HECTD2: variants seen among roughly 807,000 people sequenced by gnomAD.
HECTD2 encodes the protein probable E3 ubiquitin-protein ligase HECTD2.
In HECTD2, 35 loss-of-function variants were observed where a neutral mutation model predicts 103.2. The observed-to-expected ratio is 0.34, with a 90% CI of 0.26 to 0.45. HECTD2 has a LOEUF of 0.45. Among genes scored for constraint, HECTD2 ranks in the 20% least tolerant of loss-of-function variants. The pLI, the probability that HECTD2 is intolerant of heterozygous loss-of-function variation, is 1.00. For missense variants in HECTD2, 596 were observed against 937.4 expected (o/e 0.64, Z 4.76); for synonymous variants, 281 against 329.9 (o/e 0.85, Z 1.61).
intron 14 of HECTD2, 106 bp from the exon 15 acceptor site, chr10:91,496,108 C>A: frequency 1.7e-6 from 1 of 603,454 alleles, no homozygotes; most frequent in Non-Finnish European, 2.8e-6. Flanking sequence ...ATTAGAAAGT[C>A]AGTGTTAAAT....
intron 16 of HECTD2, 83 bp from the exon 17 acceptor site, chr10:91,498,789 G>T: frequency 1.2e-6 from 1 of 804,524 alleles, no homozygotes; most frequent in Non-Finnish European, 2.0e-6. Context: ...GAAAAAAACT[G>T]TTTTTTAAAT....
intron 20 of HECTD2, 113 bp from the exon 21 acceptor site, chr10:91,512,151 T>TAACA (rs1847447548): frequency 3.4e-6 from 4 of 1,171,688 alleles, no homozygotes; most frequent in Middle Eastern, 4.0e-4. Flanking sequence ...AGTCATCTCT[T>TAACA]AACAGAGTGA....
intron 14 of HECTD2, 137 bp downstream of exon 14, chr10:91,493,645 C>G: frequency 2.0e-6 from 1 of 502,360 alleles, no homozygotes; most frequent in Non-Finnish European, 3.5e-6. Flanking sequence ...ATTAGATTTT[C>G]AGTAATCTTC....
At chr10:91,434,209 G>A (rs1471368127) in intron 2 of HECTD2, among the ~76,000 whole-genome samples, 1 of 151,216 alleles carries the variant, frequency 6.6e-6, no homozygotes, top group Non-Finnish European at 1.5e-5. Flanking sequence ...TTTGCCAAAT[G>A]TTCAGAAAAG....
At chr10:91,500,656 AG>A in intron 19 of HECTD2, 39 bp downstream of exon 19, 1 of 929,662 alleles carries the variant, frequency 1.1e-6, no homozygotes, top group East Asian at 2.4e-5. Flanking sequence ...GGATGTGGAG[AG>A]GGAACAGCAG....
intron 20 of HECTD2, among the ~76,000 whole-genome samples, chr10:91,509,690 C>T (rs529437303): frequency 1.3e-4 from 20 of 152,230 alleles, no homozygotes; most frequent in African/African-American, 4.6e-4. Flanking sequence ...AAACCAAATA[C>T]CACATATTCT....
chr10:91,435,920 T>A lies in HECTD2; in HGVS notation c.268+10510T>A, dbSNP rs146628901. ...TTTTACTTGTATTTCTCTTCTCTTT[T>A]GCTTTATGATTTAGGGAATATTCTC... On this transcript the variant is annotated intron_variant, in intron 2 of 20. Transcript: ENST00000298068. Among the ~76,000 whole-genome samples, 1,343 of 152,098 alleles carry A rather than the reference T, an allele frequency of 8.8e-3. 15 individuals carry two copies. Among genetic ancestry groups the A allele is most frequent in the Middle Eastern group, 0.044 (13 of 294 alleles).
intron 6 of HECTD2, among the ~76,000 whole-genome samples, chr10:91,480,489 A>G (rs1039376177): frequency 6.6e-6 from 1 of 151,984 alleles, no homozygotes; most frequent in African/African-American, 2.4e-5. Flanking sequence ...AGTTACTTCC[A>G]GATATCTGTG....
chr10:91,430,154 A>T (rs986219092), intron 2 of HECTD2, among the ~76,000 whole-genome samples: 1 of 152,112 alleles, frequency 6.6e-6, no homozygotes, highest in African/African-American at 2.4e-5. Flanking sequence ...GTCATTCAGG[A>T]GTAGGTTGTT....
chr10:91,412,455 G>GT (rs111999349), intron 1 of HECTD2, among the ~76,000 whole-genome samples: 29,099 of 145,288 alleles, frequency 0.2, 6,751 homozygotes, highest in African/African-American at 0.57. Flanking sequence ...AAACTTGAGG[G>GT]TTTTTTTTTT....
intron 1 of HECTD2, among the ~76,000 whole-genome samples, chr10:91,419,414 C>A (rs1431323215): frequency 6.6e-6 from 1 of 151,944 alleles, no homozygotes; most frequent in Non-Finnish European, 1.5e-5. Flanking sequence ...AACAGGTACT[C>A]TAAGTGTTTG....
chr10:91,491,797 A>G (rs763090352), intron 12 of HECTD2, among the ~76,000 whole-genome samples: 1 of 152,176 alleles, frequency 6.6e-6, no homozygotes, highest in Non-Finnish European at 1.5e-5. Context: ...AGATCTTAAT[A>G]TGGTTATTAG....
intron 4 of HECTD2, among the ~76,000 whole-genome samples, chr10:91,461,658 T>C (rs1055362938): frequency 6.6e-6 from 1 of 152,040 alleles, no homozygotes; most frequent in African/African-American, 2.4e-5. Context: ...ATGCAATTCT[T>C]GTGCCTCAGC....
chr10:91,497,763 A>T (rs923405590), intron 15 of HECTD2, among the ~76,000 whole-genome samples: 9 of 152,200 alleles, frequency 5.9e-5, no homozygotes, highest in African/African-American at 2.2e-4. Flanking sequence ...TTTCATAGGA[A>T]TATAAATTGA....
chr10:91,482,454 A>G (rs1023904057), intron 7 of HECTD2, among the ~76,000 whole-genome samples: 1 of 151,864 alleles, frequency 6.6e-6, no homozygotes, highest in East Asian at 1.9e-4. Flanking sequence ...TTTGTGATAT[A>G]TGAGGCTAAC....
chr10:91,485,296 T>G lies in HECTD2; in HGVS notation c.1087T>G (p.Ser363Ala). Residue 363 changes from serine (S) to alanine (A), a missense_variant, in exon 10 of 21, where the codon TCT becomes GCT. By Grantham distance (99) the Ser-to-Ala change is moderately conservative. This residue lies in a region of HECTD2 where 303 missense variants were observed against 522.5 expected (regional missense o/e 0.58). Coordinates refer to ENST00000298068, the MANE Select transcript of HECTD2 (RefSeq NM_182765.6). ...EYHTWQNFGN[S>A]HRFSFCQYPF... ...TCATACTTGGCAAAACTTTGGAAAC[T>G]CTCACAGGTATGAACAAAAGTTCCT... 6.3e-7 allele frequency: 1 copy of G among 1,590,674 alleles called. No individual in the cohort carries two copies. Among genetic ancestry groups the G allele is most frequent in the Non-Finnish European group, 8.5e-7 (1 of 1,171,516 alleles).
At chr10:91,434,591 G>A (rs1844034164) in intron 2 of HECTD2, among the ~76,000 whole-genome samples, 1 of 151,468 alleles carries the variant, frequency 6.6e-6, no homozygotes, top group Non-Finnish European at 1.5e-5. Flanking sequence ...CCACTATATT[G>A]ATTTTGCTTG....
chr10:91,506,013 C>T (rs1371033061), intron 20 of HECTD2, among the ~76,000 whole-genome samples: 3 of 151,648 alleles, frequency 2.0e-5, no homozygotes, highest in African/African-American at 7.3e-5. Flanking sequence ...CAACCTGCTC[C>T]TGAATGACTA....
chr10:91,426,939 T>C (rs1277031126), intron 2 of HECTD2, among the ~76,000 whole-genome samples: 6 of 150,676 alleles, frequency 4.0e-5, no homozygotes, highest in Non-Finnish European at 7.4e-5. Context: ...CATGCTGGTG[T>C]GCTGTACCCA....
Sources: allele counts gnomAD v4.1 joint callset (sites outside exome capture counted in the v4.1 genomes callset), GRCh38; gene constraint gnomAD v4.1.1; regional missense constraint gnomAD v4.1.1; transcripts MANE v1.5; gene names NCBI Gene and HGNC (gene_info 2026-07-23, HGNC 2026-07-21).